The following GPC5 variants were observed in gnomAD, a reference collection of about 807,000 sequenced individuals.
GPC5 encodes the protein glypican 5.
Under a neutral mutation model 53.9 loss-of-function variants are expected in GPC5, and 47 were observed. That is an observed-to-expected ratio of 0.87 (90% CI 0.69 to 1.11). GPC5 has a LOEUF of 1.11. Ranked by LOEUF, GPC5 falls within the 50% of genes most tolerant of loss-of-function variation. The pLI, the probability that GPC5 is intolerant of heterozygous loss-of-function variation, is 0.00. For missense variants in GPC5, 748 were observed against 713.1 expected (o/e 1.05, Z -0.56); for synonymous variants, 286 against 263.3 (o/e 1.09, Z -0.84).
chr13:91,795,989 G>T (rs940036884), intron 5 of GPC5, among the ~76,000 whole-genome samples: 1 of 152,126 alleles, frequency 6.6e-6, no homozygotes, highest in Non-Finnish European at 1.5e-5. Context: ...GTTACCGGGG[G>T]TCTTTGCTCC....
At chr13:92,600,584 G>A (rs1884016877) in intron 7 of GPC5, among the ~76,000 whole-genome samples, 1 of 151,194 alleles carries the variant, frequency 6.6e-6, no homozygotes. Context: ...TGCAACCACC[G>A]TCTCCCAGGT....
intron 2 of GPC5, among the ~76,000 whole-genome samples, chr13:91,531,137 T>TA (rs1311473774): frequency 6.6e-6 from 1 of 152,230 alleles, no homozygotes; most frequent in Non-Finnish European, 1.5e-5. Context: ...CTGACTGAGG[T>TA]AAGCTTCACA....
intron 2 of GPC5, among the ~76,000 whole-genome samples, chr13:91,468,862 T>C (rs991093707): frequency 6.8e-6 from 1 of 147,780 alleles, no homozygotes; most frequent in African/African-American, 2.5e-5. Flanking sequence ...TCTTCGTAGC[T>C]AAGATAATGG....
chr13:91,704,867 A>G (rs761156371), intron 3 of GPC5, among the ~76,000 whole-genome samples: 1 of 152,242 alleles, frequency 6.6e-6, no homozygotes, highest in Non-Finnish European at 1.5e-5. Context: ...CTTGGTCAAT[A>G]GTTGAGAAGT....
intron 4 of GPC5, among the ~76,000 whole-genome samples, chr13:91,748,641 GA>G (rs776948379): frequency 1.3e-5 from 2 of 152,154 alleles, no homozygotes; most frequent in Non-Finnish European, 2.9e-5. Context: ...TGGGAAGGTA[GA>G]TTGGCATACA....
At chr13:92,739,207 T>C (rs1229281596) in intron 7 of GPC5, among the ~76,000 whole-genome samples, 1 of 152,098 alleles carries the variant, frequency 6.6e-6, no homozygotes, top group Non-Finnish European at 1.5e-5. Context: ...ATAAAATAAA[T>C]TCAAGATATT....
intron 2 of GPC5, among the ~76,000 whole-genome samples, chr13:91,569,743 T>C (rs959216324): frequency 1.3e-5 from 2 of 152,106 alleles, no homozygotes; most frequent in Non-Finnish European, 2.9e-5. Context: ...ATGAATGGAT[T>C]AGTGCCTTGT....
intron 7 of GPC5, among the ~76,000 whole-genome samples, chr13:92,811,753 G>A (rs76395809): frequency 1.3e-4 from 19 of 151,688 alleles, no homozygotes; most frequent in South Asian, 2.1e-4. Context: ...CATTTAGGTC[G>A]TTGATCCATT....
chr13:92,769,693 C>T (rs1875538541), intron 7 of GPC5, among the ~76,000 whole-genome samples: 1 of 152,092 alleles, frequency 6.6e-6, no homozygotes, highest in South Asian at 2.1e-4. Flanking sequence ...AGACTGCCAT[C>T]CAGATGTCAG....
chr13:92,283,359 C>G (rs1032935877), intron 7 of GPC5, among the ~76,000 whole-genome samples: 1 of 152,104 alleles, frequency 6.6e-6, no homozygotes, highest in Non-Finnish European at 1.5e-5. Flanking sequence ...CAAAGATATC[C>G]AGGAATTAAA....
At chr13:91,501,256 T>G (rs954734796) in intron 2 of GPC5, among the ~76,000 whole-genome samples, 3 of 151,704 alleles carry the variant, frequency 2.0e-5, no homozygotes, top group African/African-American at 4.8e-5. Flanking sequence ...TTTTTTTTTT[T>G]TTTTGTAATT....
chr13:91,683,061 A>G (rs1453145600), intron 2 of GPC5, among the ~76,000 whole-genome samples: 3 of 152,030 alleles, frequency 2.0e-5, no homozygotes, highest in Non-Finnish European at 4.4e-5. Context: ...GTCTTTGCAT[A>G]TGTGCTTGAA....
At chr13:92,661,321 C>T (rs959935049) in intron 7 of GPC5, among the ~76,000 whole-genome samples, 1 of 149,196 alleles carries the variant, frequency 6.7e-6, no homozygotes. Context: ...CTGACATGCT[C>T]AGTTGGAGAA....
At position 91,448,772 on chromosome 13, in the gene GPC5, C is replaced by T; in HGVS notation, c.175C>T (p.Gln59Ter). ...GTTGTGTGTTCCAGGACCTGATCTT[C>T]AGGTTTGCATATCCAAAAAGCCTAC... ...PDSPRAGPDL[Q>*]VCISKKPTCC... The change falls in exon 2 of 8, where the codon CAG becomes TAG. Residue 59 changes from glutamine to a stop codon, truncating the protein, a stop_gained. Transcript: ENST00000377067. LOFTEE classifies it high-confidence loss of function. 1 of 1,611,920 alleles carries T rather than the reference C, an allele frequency of 6.2e-7. No homozygotes were observed. Among genetic ancestry groups the T allele is most frequent in the Non-Finnish European group, 8.5e-7 (1 of 1,179,344 alleles).
chr13:91,910,111 G>C (rs1275891058), intron 6 of GPC5, among the ~76,000 whole-genome samples: 2 of 152,172 alleles, frequency 1.3e-5, no homozygotes, highest in Non-Finnish European at 2.9e-5. Context: ...AGAGCAGAAA[G>C]TTATGTCTTG....
intron 7 of GPC5, among the ~76,000 whole-genome samples, chr13:92,611,026 A>G (rs1402710015): frequency 1.3e-5 from 2 of 151,658 alleles, no homozygotes; most frequent in South Asian, 2.1e-4. Context: ...ATCAACTACA[A>G]TATGTCCTAT....
intron 7 of GPC5, among the ~76,000 whole-genome samples, chr13:92,857,622 G>A (rs1461823899): frequency 6.6e-6 from 1 of 151,866 alleles, no homozygotes; most frequent in Non-Finnish European, 1.5e-5. Context: ...AAATCAAAAA[G>A]CAAAACACAA....
intron 6 of GPC5, among the ~76,000 whole-genome samples, chr13:92,109,061 GTTTTTTTTT>G (rs35762919): frequency 1.1e-5 from 1 of 87,500 alleles, no homozygotes; most frequent in Non-Finnish European, 2.2e-5. Flanking sequence ...CAATATGTTG[GTTTTTTTTT>G]TTTTTTTTTT....
chr13:92,690,719 T>A (rs1220648082), intron 7 of GPC5, among the ~76,000 whole-genome samples: 2 of 116,248 alleles, frequency 1.7e-5, no homozygotes, highest in South Asian at 3.9e-4. Flanking sequence ...TGGTCTTTGA[T>A]GATGGTGATG....
Sources: allele counts gnomAD v4.1 joint callset (sites outside exome capture counted in the v4.1 genomes callset), GRCh38; gene constraint gnomAD v4.1.1; transcripts MANE v1.5; gene names NCBI Gene and HGNC (gene_info 2026-07-23, HGNC 2026-07-21).